Variants in DOK6 observed in about 807,000 individuals in gnomAD.
DOK6 encodes downstream of tyrosine kinase 6.
DOK6 carries 22 observed loss-of-function variants against 44.0 expected under a neutral mutation model. The ratio of observed to expected loss-of-function variants is 0.50; its 90% confidence interval spans 0.36 to 0.71. The LOEUF is 0.71. Ranked by LOEUF, DOK6 falls within the 30% of genes least tolerant of loss-of-function variation. The pLI is 0.00. For synonymous variants in DOK6, 166 were observed against 145.5 expected (o/e 1.14, Z -1.01); for missense variants, 340 against 416.4 (o/e 0.82, Z 1.60).
At chr18:69,602,287 G>A (rs1455647463) in intron 3 of DOK6, among the ~76,000 whole-genome samples, 1 of 152,142 alleles carries the variant, frequency 6.6e-6, no homozygotes, top group Non-Finnish European at 1.5e-5. Flanking sequence ...GATATGACGT[G>A]ATCAAAAATA....
At chr18:69,606,272 CAAAATAAA>C in intron 3 of DOK6, among the ~76,000 whole-genome samples, 1 of 134,136 alleles carries the variant, frequency 7.5e-6, no homozygotes, top group Non-Finnish European at 1.6e-5. Context: ...AACTCCATCT[CAAAATAAA>C]TAAATAAATA....
At chr18:69,740,314 G>A (rs775139963) in intron 6 of DOK6, among the ~76,000 whole-genome samples, 3 of 152,230 alleles carry the variant, frequency 2.0e-5, no homozygotes, top group African/African-American at 4.8e-5. Context: ...TTTTTCTAGC[G>A]ATTAAAATCA....
intron 3 of DOK6, among the ~76,000 whole-genome samples, chr18:69,677,286 T>C (rs74487120): frequency 0.12 from 18,520 of 151,200 alleles, 1,536 homozygotes; most frequent in Non-Finnish European, 0.17. Flanking sequence ...TTAATTTACA[T>C]TGACATAAAA....
chr18:69,511,943 T>A (rs375350690), intron 1 of DOK6, among the ~76,000 whole-genome samples: 44 of 152,244 alleles, frequency 2.9e-4, no homozygotes, highest in Middle Eastern at 6.8e-3. Flanking sequence ...TAAGTATGAA[T>A]GTGCAATGTA....
chr18:69,699,748 T>C (rs1409996711), intron 5 of DOK6, among the ~76,000 whole-genome samples: 1 of 152,234 alleles, frequency 6.6e-6, no homozygotes, highest in Admixed American at 6.5e-5. Flanking sequence ...AAATTATGAC[T>C]ATGAAAATGA....
In DOK6 at chr18:69,757,991, C is replaced by T. The variant is rs1979416664; in HGVS notation, c.856+118C>T. 3 of 852,332 alleles carry T rather than the reference C, an allele frequency of 3.5e-6. No homozygotes were observed. In the Admixed American group the frequency reaches 5.6e-5, roughly 16 times the overall value. The allele number at this position is 852,332 out of a possible 1,614,324, so 52.8% of individuals were successfully genotyped here. On this transcript the variant is annotated intron_variant, in intron 7 of 7. Coordinates refer to ENST00000382713, the MANE Select transcript of DOK6 (RefSeq NM_152721.6). ...TTTTCCTCCCATTCCCATTTATCAG[C>T]TGTCACTGGCCACAGTGGGAGCTCT...
At chr18:69,724,565 C>A (rs965180683) in intron 5 of DOK6, among the ~76,000 whole-genome samples, 1 of 152,212 alleles carries the variant, frequency 6.6e-6, no homozygotes, top group Non-Finnish European at 1.5e-5. Context: ...TTTCTCTCAA[C>A]AACTTTCCTT....
chr18:69,420,245 T>A (rs62096591), intron 1 of DOK6, among the ~76,000 whole-genome samples: 23,011 of 151,942 alleles, frequency 0.15, 2,191 homozygotes, highest in East Asian at 0.32. Context: ...TGTTATATTG[T>A]GATTTTTTTC....
intron 2 of DOK6, among the ~76,000 whole-genome samples, chr18:69,593,223 T>A (rs1183175085): frequency 6.6e-6 from 1 of 151,836 alleles, no homozygotes; most frequent in African/African-American, 2.4e-5. Flanking sequence ...ATTAAAAAAA[T>A]TAGTTGGGCA....
At chr18:69,718,081 T>G (rs1986924282) in intron 5 of DOK6, among the ~76,000 whole-genome samples, 1 of 152,242 alleles carries the variant, frequency 6.6e-6, no homozygotes, top group African/African-American at 2.4e-5. Context: ...TGTGGCAGGA[T>G]TCCATATCCA....
intron 7 of DOK6, among the ~76,000 whole-genome samples, chr18:69,836,519 C>T (rs1189444258): frequency 6.6e-6 from 1 of 151,718 alleles, no homozygotes; most frequent in African/African-American, 2.4e-5. Flanking sequence ...TCAACATTAC[C>T]TAGATATATG....
chr18:69,574,881 T>C (rs1983202185), intron 2 of DOK6, among the ~76,000 whole-genome samples: 1 of 152,028 alleles, frequency 6.6e-6, no homozygotes, highest in Admixed American at 6.6e-5. Flanking sequence ...TTAAATATTA[T>C]AATATTCCCA....
chr18:69,404,786 GGTGTGTGTGT>G (rs59807127), intron 1 of DOK6, among the ~76,000 whole-genome samples: 7 of 149,844 alleles, frequency 4.7e-5, no homozygotes, highest in Non-Finnish European at 1.0e-4. Flanking sequence ...AGGATAGGGT[GGTGTGTGTGT>G]GTGTGTGTGT....
At chr18:69,821,799 T>TTA (rs10641812) in intron 7 of DOK6, among the ~76,000 whole-genome samples, 5,138 of 149,320 alleles carry the variant, frequency 0.034, 109 homozygotes, top group African/African-American at 0.058. Context: ...TTTTTTTTTT[T>TTA]AAAAAAAATC....
At chr18:69,810,043 G>A (rs910729908) in intron 7 of DOK6, among the ~76,000 whole-genome samples, 2 of 151,870 alleles carry the variant, frequency 1.3e-5, no homozygotes, top group African/African-American at 4.8e-5. Context: ...TGAACAAAAG[G>A]AACAAAGCTG....
intron 6 of DOK6, among the ~76,000 whole-genome samples, chr18:69,752,425 A>G (rs894728126): frequency 6.6e-6 from 1 of 152,168 alleles, no homozygotes. Context: ...AATTTTTCTC[A>G]AAATTTTTTA....
chr18:69,463,749 G>T (rs1480007864), intron 1 of DOK6, among the ~76,000 whole-genome samples: 1 of 151,712 alleles, frequency 6.6e-6, no homozygotes, highest in Non-Finnish European at 1.5e-5. Context: ...GTAAATGCAT[G>T]TTTGTGTGTG....
chr18:69,740,128 A>G (rs1450611378), intron 6 of DOK6, among the ~76,000 whole-genome samples: 2 of 152,168 alleles, frequency 1.3e-5, no homozygotes, highest in African/African-American at 4.8e-5. Context: ...AGGGCAACAC[A>G]GGGCATTGGA....
At chr18:69,524,033 T>A (rs1291522133) in intron 1 of DOK6, among the ~76,000 whole-genome samples, 1 of 152,066 alleles carries the variant, frequency 6.6e-6, no homozygotes, top group East Asian at 1.9e-4. Flanking sequence ...AAGAGTTATG[T>A]CTAAAACTGT....
Sources: gnomAD v4.1 joint callset for allele counts (sites outside exome capture counted in the v4.1 genomes callset) on GRCh38, gnomAD v4.1.1 for gene constraint, MANE v1.5 for transcripts, NCBI Gene and HGNC (gene_info 2026-07-23, HGNC 2026-07-21) for gene names.